UNC80: variants seen among roughly 807,000 people sequenced by gnomAD.
UNC80 encodes the protein unc-80 subunit of NALCN channel complex.
UNC80 carries 164 observed loss-of-function variants against 384.6 expected under a neutral mutation model. That is an observed-to-expected ratio of 0.43 (90% CI 0.38 to 0.49). The LOEUF is 0.49. Among genes scored for constraint, UNC80 ranks in the 20% least tolerant of loss-of-function variants. The probability of loss-of-function intolerance (pLI) is 0.00; values close to 1 mark genes in which losing one functional copy is unlikely to be tolerated. For missense variants in UNC80, 3,330 were observed against 4,143.0 expected (o/e 0.80, Z 5.39); for synonymous variants, 1,486 against 1,527.8 (o/e 0.97, Z 0.64).
rs1389924283 is a variant in UNC80 at position 209,978,647 on chromosome 2, T to C, written c.9057T>C (p.Ser3019=). 6.4e-7 allele frequency: 1 copy of C among 1,551,180 alleles called. No homozygotes were observed. Among genetic ancestry groups the C allele is most frequent in the Non-Finnish European group, 8.7e-7 (1 of 1,146,552 alleles). The change falls in exon 59 of 65, where the codon AGT becomes AGC. Residue 3019 remains serine, a synonymous_variant. Transcript: ENST00000673920. ...TGTGTVWEQD[S]EPSQQASQDT... is the part of the protein sequence containing the mutation. The stretch of plus-strand genomic sequence containing the variant: ...CGGGCACTGTCTGGGAGCAGGACAG[T>C]GAGCCATCCCAGCAGGCTTCGCAGG...
chr2:209,935,686 AGTTT>A, intron 39 of UNC80, 24 bp from the exon 40 acceptor site: 1 of 1,245,262 alleles, frequency 8.0e-7, no homozygotes, highest in Non-Finnish European at 1.1e-6. Context: ...AGTAAAAGTC[AGTTT>A]GTTATTATTT....
At chr2:209,971,922 G>A (rs1193950095) in intron 54 of UNC80, among the ~76,000 whole-genome samples, 1 of 152,096 alleles carries the variant, frequency 6.6e-6, no homozygotes, top group Non-Finnish European at 1.5e-5. Context: ...AATTAATGGG[G>A]ACATGAAGTT....
chr2:209,852,955 A>G (rs984731595), intron 22 of UNC80, among the ~76,000 whole-genome samples: 1 of 152,078 alleles, frequency 6.6e-6, no homozygotes, highest in Non-Finnish European at 1.5e-5. Context: ...AGAAATAAAC[A>G]TAGATGTAGA....
Position 209,945,153 on chromosome 2 carries a change from G to A in UNC80, c.7153G>A (p.Glu2385Lys). 1 of 1,551,412 alleles carries A rather than the reference G, an allele frequency of 6.4e-7. No homozygotes were observed. The highest frequency in any genetic ancestry group is 8.7e-7 in the Non-Finnish European group (1 of 1,146,856). The change falls in exon 46 of 65, where the codon GAG (glutamate) becomes AAG (lysine). Residue 2385 changes from glutamate (E) to lysine (K), a missense_variant. Physicochemically the swap from Glu to Lys is moderately conservative, Grantham distance 56 (BLOSUM62 1). Transcript: ENST00000673920. The part of the protein sequence containing the change: ...GETTDILDIL[E>K]LVKAEKPLKS... ...GACCACCGACATATTAGACATCTTA[G>A]AGCTGGTCAAAGCTGAGAAGCCTCT...
intron 23 of UNC80, 129 bp downstream of exon 23, chr2:209,873,099 A>C: frequency 1.2e-6 from 1 of 826,114 alleles, no homozygotes; most frequent in Non-Finnish European, 1.9e-6. Flanking sequence ...TGAAGGAAAC[A>C]CTTTGGGAAA....
intron 33 of UNC80, among the ~76,000 whole-genome samples, chr2:209,919,656 T>C (rs1007296719): frequency 1.2e-4 from 18 of 152,194 alleles, no homozygotes; most frequent in African/African-American, 4.1e-4. Flanking sequence ...GTCGCTTTCT[T>C]TGGAGAACTG....
In UNC80 at chr2:209,995,331, T is replaced by G; in HGVS notation, c.9711T>G (p.Ser3237Arg). Residue 3237 changes from serine (S) to arginine (R), a missense_variant and splice_region_variant, in exon 65 of 65, where the codon AGT (serine) becomes AGG (arginine). Physicochemically the swap from Ser to Arg is moderately radical, Grantham distance 110. Coordinates refer to ENST00000673920, the MANE Select transcript of UNC80 (RefSeq NM_001371986.1). ...ADLHSVSPKQ[S>R]ENFPTEEGEK... ...TGTTATGATCCTTTTGATCACAGAG[T>G]GAGAACTTCCCCACTGAAGAAGGAG... The G allele has an allele frequency of 6.4e-7, 1 of 1,552,000 alleles. No homozygotes were observed. Among genetic ancestry groups the G allele is most frequent in the Non-Finnish European group, 8.7e-7 (1 of 1,147,058 alleles).
At chr2:209,973,294 CT>C in intron 56 of UNC80, 24 bp downstream of exon 56, 2 of 1,540,116 alleles carry the variant, frequency 1.3e-6, no homozygotes, top group Non-Finnish European at 1.8e-6. Flanking sequence ...CTCTCTCTCT[CT>C]CTGTTTGTGC....
chr2:209,878,016 G>A lies in UNC80; in HGVS notation c.3903G>A (p.Leu1301=), dbSNP rs1315082330. The change falls in exon 24 of 65, where the codon CTG becomes CTA. Residue 1301 remains leucine (L), a synonymous_variant. Transcript: ENST00000673920. ...HGESESPANL[L]GLIYDEETKR... ...AAAGTGAGAGCCCAGCCAACCTGCT[G>A]GGTCTCATTTACGATGAAGAGACCA... is the stretch of plus-strand genomic sequence containing the variant. 6.5e-7 allele frequency: 1 copy of A among 1,546,504 alleles called. No homozygotes were observed. The highest frequency in any genetic ancestry group is 8.7e-7 in the Non-Finnish European group (1 of 1,144,580).
rs17496291 is a variant in UNC80 at position 209,847,335 on chromosome 2, T to A, written c.3455-2116T>A. ...AAAATATTTCATACAGTACTTGGGA[T>A]ATACTAAGTGCTCAAAAATAGTACC... On this transcript the variant is annotated intron_variant, in intron 21 of 64. Transcript: ENST00000673920. 2.4e-3 allele frequency among the ~76,000 whole-genome samples: 348 copies of A among 146,418 alleles called. 5 individuals carry two copies. Among genetic ancestry groups the A allele is most frequent in the Admixed American group, 0.015 (225 of 14,578 alleles).
chr2:209,997,145 G>A lies in UNC80; in HGVS notation c.*1550G>A, dbSNP rs2093495715. ...TTTATAATTTCAAATATAACTTGGGGTTATGGTCCTATTCACTAAGAGAAT... is the reference window on the plus strand; with the variant it reads ...TTTATAATTTCAAATATAACTTGGGATTATGGTCCTATTCACTAAGAGAAT... On this transcript the variant is annotated 3_prime_UTR_variant, in exon 65 of 65. Transcript: ENST00000673920. 6.6e-6 allele frequency: 1 copy of A among 152,050 alleles called. No homozygotes were observed. The highest frequency in any genetic ancestry group is 1.5e-5 in the Non-Finnish European group (1 of 68,000). 9.4% of individuals were successfully genotyped at this position (152,050 alleles called of 1,614,324 possible).
At chr2:209,958,352 C>A (rs1575143997) in intron 49 of UNC80, among the ~76,000 whole-genome samples, 1 of 152,160 alleles carries the variant, frequency 6.6e-6, no homozygotes, top group East Asian at 1.9e-4. Context: ...TAGGGCAAAC[C>A]CAAAATCAGC....
intron 31 of UNC80, among the ~76,000 whole-genome samples, chr2:209,914,535 C>T (rs2089293204): frequency 2.0e-5 from 3 of 151,732 alleles, no homozygotes; most frequent in Admixed American, 2.0e-4. Context: ...ATTGCCCTCT[C>T]TCCTATGACC....
chr2:209,969,915 ATG>A, intron 53 of UNC80, 24 bp downstream of exon 53: 1 of 1,551,092 alleles, frequency 6.4e-7, no homozygotes, highest in Non-Finnish European at 8.7e-7. Context: ...TGGCAATCTT[ATG>A]AAACTTTGCA....
intron 2 of UNC80, among the ~76,000 whole-genome samples, chr2:209,773,474 T>G (rs1428838727): frequency 6.6e-6 from 1 of 152,158 alleles, no homozygotes; most frequent in Non-Finnish European, 1.5e-5. Context: ...AATGGATAGA[T>G]AAGGCTTATC....
At position 209,816,939 on chromosome 2, in the gene UNC80, A is replaced by G; in HGVS notation, c.1366A>G (p.Lys456Glu). 1 of 1,551,698 alleles carries G rather than the reference A, an allele frequency of 6.4e-7. No individual in the cohort carries two copies. Among genetic ancestry groups the G allele is most frequent in the Non-Finnish European group, 8.7e-7 (1 of 1,146,992 alleles). The change falls in exon 10 of 65, where the codon AAA becomes GAA. Residue 456 changes from lysine (K) to glutamate (E), a missense_variant. This residue lies in a region of UNC80 where 937 missense variants were observed against 1,026.8 expected (regional missense o/e 0.91). Coordinates refer to ENST00000673920, the MANE Select transcript of UNC80 (RefSeq NM_001371986.1). The part of the protein sequence containing the change: ...FKSRKEDRER[K>E]GSIPFHHTGK... ...GAGCCGCAAAGAAGACCGAGAGAGG[A>G]AAGGCTCCATTCCATTCCACCACAC...
chr2:209,918,594 A>G lies in UNC80; in HGVS notation c.5274A>G (p.Pro1758=). The change falls in exon 33 of 65, where the codon CCA becomes CCG. Residue 1758 remains proline (P), a synonymous_variant. Transcript: ENST00000673920. ...PSPVLGMPSV[P]MFDPPWVPQC... is the part of the protein sequence containing the mutation. ...CGGTGCTTGGAATGCCATCCGTCCC[A>G]ATGTTTGACCCACCGTGGGTTCCTC... 1 of 1,552,078 alleles carries G rather than the reference A, an allele frequency of 6.4e-7. No individual in the cohort carries two copies. Among genetic ancestry groups the G allele is most frequent in the African/African-American group, 1.4e-5 (1 of 73,130 alleles).
intron 12 of UNC80, among the ~76,000 whole-genome samples, chr2:209,820,018 C>G (rs989204030): frequency 6.6e-6 from 1 of 152,158 alleles, no homozygotes; most frequent in Non-Finnish European, 1.5e-5. Context: ...CTCATTAACT[C>G]ACTGTGCTTC....
intron 35 of UNC80, among the ~76,000 whole-genome samples, chr2:209,926,431 G>A (rs2090440445): frequency 6.6e-6 from 1 of 152,126 alleles, no homozygotes; most frequent in South Asian, 2.1e-4. Context: ...CTCATTGCTA[G>A]GATTATGCTT....
Sources: allele counts gnomAD v4.1 joint callset (sites outside exome capture counted in the v4.1 genomes callset), GRCh38; gene constraint gnomAD v4.1.1; regional missense constraint gnomAD v4.1.1; transcripts MANE v1.5; gene names NCBI Gene and HGNC (gene_info 2026-07-23, HGNC 2026-07-21).